Variants in UBE2D1 observed in about 807,000 individuals in gnomAD.
The protein encoded by UBE2D1 is ubiquitin-conjugating enzyme E2 D1.
A neutral mutation model predicts 24.6 loss-of-function variants in UBE2D1; 9 were observed. The ratio of observed to expected loss-of-function variants is 0.37; its 90% CI spans 0.22 to 0.64. The LOEUF (loss-of-function observed/expected upper bound fraction) is 0.64. Among genes scored for constraint, UBE2D1 ranks in the 30% least tolerant of loss-of-function variants. The pLI is 0.64. For missense variants in UBE2D1, 87 were observed against 177.1 expected, an observed-to-expected ratio of 0.49 and a Z score of 2.89; for synonymous variants, 57 against 57.6, an observed-to-expected ratio of 0.99 and a Z score of 0.04.
At chr10:58,363,719 A>T in intron 4 of UBE2D1, 33 bp downstream of exon 4, 1 of 1,463,162 alleles carries the variant, frequency 6.8e-7, no homozygotes, top group Non-Finnish European at 9.5e-7. Context: ...TGTGACTCCC[A>T]TGTAAGAGAT....
chr10:58,337,457 G>A (rs971848540), intron 1 of UBE2D1, among the ~76,000 whole-genome samples: 2 of 152,156 alleles, frequency 1.3e-5, no homozygotes, highest in Non-Finnish European at 2.9e-5. Context: ...CTTCTTTGAT[G>A]TCATCAGTAT....
intron 1 of UBE2D1, among the ~76,000 whole-genome samples, chr10:58,356,153 CTTTA>C (rs1266073888): frequency 6.6e-6 from 1 of 151,792 alleles, no homozygotes; most frequent in Non-Finnish European, 1.5e-5. Context: ...GAATAAAAAT[CTTTA>C]TTTTTCTTTA....
At chr10:58,343,501 A>T (rs1839984396) in intron 1 of UBE2D1, among the ~76,000 whole-genome samples, 1 of 152,184 alleles carries the variant, frequency 6.6e-6, no homozygotes, top group African/African-American at 2.4e-5. Context: ...GGTAAAATTA[A>T]TGTTAAAAAT....
chr10:58,354,137 T>C (rs1840105691), intron 1 of UBE2D1, among the ~76,000 whole-genome samples: 1 of 152,202 alleles, frequency 6.6e-6, no homozygotes, highest in South Asian at 2.1e-4. Flanking sequence ...GTATGAAATT[T>C]TAATTCTCAG....
chr10:58,346,525 G>A (rs1218524864), intron 1 of UBE2D1, among the ~76,000 whole-genome samples: 3 of 152,158 alleles, frequency 2.0e-5, no homozygotes, highest in Non-Finnish European at 4.4e-5. Flanking sequence ...TAAAATGAAA[G>A]AATGAGGGAG....
chr10:58,367,037 A>G (rs955910090), intron 5 of UBE2D1, among the ~76,000 whole-genome samples: 1 of 152,238 alleles, frequency 6.6e-6, no homozygotes, highest in Admixed American at 6.5e-5. Flanking sequence ...AGAAAGATGA[A>G]TAAAATACTA....
In UBE2D1 at chr10:58,361,480, C is replaced by T. The variant is rs1016827621; in HGVS notation, c.89-15C>T. Reference sequence around the variant, plus strand: ...ACATTTGTTAATGACTCCAAAACTCCTTTGTTTGTTTCAGTGTTCCACTGG... The same window carrying T: ...ACATTTGTTAATGACTCCAAAACTCTTTTGTTTGTTTCAGTGTTCCACTGG... On this transcript the variant is annotated splice_polypyrimidine_tract_variant and intron_variant, in intron 2 of 6. Coordinates refer to ENST00000373910, the MANE Select transcript of UBE2D1 (RefSeq NM_003338.5). The T allele has an allele frequency of 1.9e-6, 3 of 1,614,026 alleles. No homozygotes were observed. The highest frequency in any genetic ancestry group is 2.5e-6 in the Non-Finnish European group (3 of 1,180,018).
chr10:58,363,711 T>C, intron 4 of UBE2D1, 25 bp downstream of exon 4: 1 of 1,499,768 alleles, frequency 6.7e-7, no homozygotes, highest in South Asian at 1.2e-5. Flanking sequence ...ATGATTGATG[T>C]GACTCCCATG....
In UBE2D1 at chr10:58,347,092, G is replaced by T. The variant is rs530960511; in HGVS notation, c.24+11867G>T. 3.3e-5 allele frequency among the ~76,000 whole-genome samples: 5 copies of T among 152,232 alleles called. No individual in the cohort carries two copies. In the South Asian group the frequency reaches 1.0e-3, roughly 32 times the overall value. On this transcript the variant is annotated intron_variant, in intron 1 of 6. Transcript: ENST00000373910. ...GATATTAAGATTGTCTGCCTGGCTG[G>T]AACCTTTGGGTTCTTATCCTAAACT...
chr10:58,352,979 T>C (rs1840093439), intron 1 of UBE2D1, among the ~76,000 whole-genome samples: 1 of 152,330 alleles, frequency 6.6e-6, no homozygotes, highest in Middle Eastern at 3.4e-3. Context: ...ATAGCTACTC[T>C]TGTATTTCCT....
chr10:58,351,208 G>GA (rs1347630015), intron 1 of UBE2D1, among the ~76,000 whole-genome samples: 1 of 152,032 alleles, frequency 6.6e-6, no homozygotes, highest in Non-Finnish European at 1.5e-5. Flanking sequence ...ACATTTATAT[G>GA]AAAAATATTT....
chr10:58,351,853 C>T (rs970299589), intron 1 of UBE2D1, among the ~76,000 whole-genome samples: 4 of 152,058 alleles, frequency 2.6e-5, no homozygotes, highest in Non-Finnish European at 4.4e-5. Flanking sequence ...CATTGCAGTG[C>T]GATGTTAGGA....
intron 3 of UBE2D1, among the ~76,000 whole-genome samples, chr10:58,363,241 G>T (rs1488024784): frequency 6.6e-6 from 1 of 152,044 alleles, no homozygotes. Flanking sequence ...GATTACGGCT[G>T]CAGAAAATGA....
At chr10:58,363,561 A>G in intron 3 of UBE2D1, 48 bp from the exon 4 acceptor site, 1 of 1,345,492 alleles carries the variant, frequency 7.4e-7, no homozygotes, top group Non-Finnish European at 1.0e-6. Flanking sequence ...TTGTTGTTAT[A>G]AATAAATATA....
rs533156291 is a variant in UBE2D1 at position 58,339,110 on chromosome 10, G to GT, written c.24+3893dup. Among the ~76,000 whole-genome samples, 35 of 151,928 alleles carry GT rather than the reference G, an allele frequency of 2.3e-4. No homozygotes were observed. In the South Asian group the frequency reaches 6.0e-3, roughly 26 times the overall value. On this transcript the variant is annotated intron_variant, in intron 1 of 6. Coordinates refer to ENST00000373910, the MANE Select transcript of UBE2D1 (RefSeq NM_003338.5). ...CATCAAATGGAAGAAGGAGGTCTGA[G>GT]TTTTTTTTGTTTTTAGACAGGGTCT...
intron 1 of UBE2D1, among the ~76,000 whole-genome samples, chr10:58,344,131 T>A (rs1054719713): frequency 6.6e-6 from 1 of 152,384 alleles, no homozygotes; most frequent in Admixed American, 6.5e-5. Context: ...TAACCTTTTA[T>A]ATGATATAAG....
intron 1 of UBE2D1, among the ~76,000 whole-genome samples, chr10:58,353,264 TAGAA>T (rs1840096950): frequency 6.6e-6 from 1 of 152,176 alleles, no homozygotes; most frequent in African/African-American, 2.4e-5. Context: ...TAATGCCTGT[TAGAA>T]AGGATGTAGA....
chr10:58,340,153 C>A (rs2132313577), intron 1 of UBE2D1, among the ~76,000 whole-genome samples: 1 of 152,194 alleles, frequency 6.6e-6, no homozygotes, highest in East Asian at 1.9e-4. Flanking sequence ...ATTTGAAGAC[C>A]TAGTATACAA....
intron 5 of UBE2D1, among the ~76,000 whole-genome samples, chr10:58,366,482 G>C (rs1840256741): frequency 6.6e-6 from 1 of 152,152 alleles, no homozygotes; most frequent in Admixed American, 6.5e-5. Flanking sequence ...CTGGCAGTAG[G>C]GGTGAGCAGA....
Sources: gnomAD v4.1 joint callset for allele counts (sites outside exome capture counted in the v4.1 genomes callset) on GRCh38, gnomAD v4.1.1 for gene constraint, MANE v1.5 for transcripts, NCBI Gene and HGNC (gene_info 2026-07-23, HGNC 2026-07-21) for gene names.